The following ZMYND8 variants were observed in gnomAD, a reference collection of about 807,000 sequenced individuals.
The protein encoded by ZMYND8 is MYND-type zinc finger-containing chromatin reader ZMYND8.
A neutral mutation model predicts 140.8 loss-of-function variants in ZMYND8; 37 were observed. The observed-to-expected ratio is 0.26, with a 90% CI of 0.20 to 0.35. The LOEUF is 0.35. Ranked by LOEUF, ZMYND8 falls within the 10% of genes least tolerant of loss-of-function variation. The pLI, the probability that ZMYND8 is intolerant of heterozygous loss-of-function variation, is 1.00. For missense variants in ZMYND8, 1,068 were observed against 1,570.0 expected, an observed-to-expected ratio of 0.68 and a Z score of 5.40; for synonymous variants, 592 against 597.1, an observed-to-expected ratio of 0.99 and a Z score of 0.12.
intron 18 of ZMYND8, among the ~76,000 whole-genome samples, chr20:47,226,975 T>A (rs1457797771): frequency 6.6e-6 from 1 of 152,120 alleles, no homozygotes; most frequent in African/African-American, 2.4e-5. Context: ...CCTCATTATT[T>A]TATTGTTGAG....
chr20:47,290,815 T>C (rs1440351598), intron 6 of ZMYND8, among the ~76,000 whole-genome samples: 3 of 152,148 alleles, frequency 2.0e-5, no homozygotes, highest in African/African-American at 4.8e-5. Context: ...GGTCTCGAAC[T>C]CCTGACCTCA....
intron 2 of ZMYND8, 116 bp from the exon 3 acceptor site, chr20:47,310,320 C>T (rs57424343): frequency 0.017 from 21,143 of 1,256,178 alleles, 829 homozygotes; most frequent in South Asian, 0.1. Flanking sequence ...CCCCAACTCC[C>T]GAAGCCACTT....
Position 47,246,437 on chromosome 20 carries a change from C to T in ZMYND8, c.1855G>A (p.Asp619Asn), listed in dbSNP as rs140871345. 27 of 1,614,012 alleles carry T rather than the reference C, an allele frequency of 1.7e-5. No individual in the cohort carries two copies. The East Asian group carries it at 4.7e-4, about 28-fold the overall frequency. Residue 619 changes from aspartate (D) to asparagine (N), a missense_variant, in exon 14 of 23, where the codon GAT (aspartate) becomes AAT (asparagine). Coordinates refer to ENST00000471951, the MANE Select transcript of ZMYND8 (RefSeq NM_001281775.3). Reference protein sequence around the residue: ...SEDSEKSDSSDSEYISDDEQK... With the variant: ...SEDSEKSDSSNSEYISDDEQK... ...TCATCATCACTGATATACTCACTAT[C>T]GCTACTATCTGACTTCTCAGAATCC...
intron 21 of ZMYND8, among the ~76,000 whole-genome samples, chr20:47,217,361 ATTGGTTGCATATGGTTGCAAAGCTCAG>A (rs2036280316): frequency 6.6e-6 from 1 of 152,258 alleles, no homozygotes; most frequent in South Asian, 2.1e-4. Flanking sequence ...GCAAAGCTCA[ATTGGTTGCATATGGTTGCAAAGCTCAG>A]TCCTTGTTAA....
At chr20:47,345,217 CTT>C (rs988875333) in intron 2 of ZMYND8, among the ~76,000 whole-genome samples, 48 of 152,116 alleles carry the variant, frequency 3.2e-4, no homozygotes, top group Admixed American at 2.0e-4. Flanking sequence ...CCAAAAGCCT[CTT>C]TGAGGAGCCA....
intron 18 of ZMYND8, among the ~76,000 whole-genome samples, chr20:47,225,180 T>TA (rs1375253492): frequency 4.6e-5 from 7 of 152,282 alleles, no homozygotes; most frequent in African/African-American, 1.4e-4. Flanking sequence ...ACTATGAACC[T>TA]ACTCAGTCTA....
At chr20:47,255,687 GTGTA>G (rs1426191834) in intron 12 of ZMYND8, among the ~76,000 whole-genome samples, 5 of 113,602 alleles carry the variant, frequency 4.4e-5, no homozygotes, top group Non-Finnish European at 8.5e-5. Flanking sequence ...ATGTGTGTGT[GTGTA>G]TATATATATA....
intron 3 of ZMYND8, among the ~76,000 whole-genome samples, chr20:47,301,648 A>C (rs1463494482): frequency 6.6e-6 from 1 of 152,098 alleles, no homozygotes; most frequent in Non-Finnish European, 1.5e-5. Flanking sequence ...CTAATGAGAA[A>C]ATCAGAAATC....
intron 2 of ZMYND8, among the ~76,000 whole-genome samples, chr20:47,333,711 C>A (rs1473510596): frequency 9.8e-6 from 1 of 102,260 alleles, no homozygotes; most frequent in African/African-American, 3.9e-5. Flanking sequence ...GGTGACAGAG[C>A]GAGACTCCGT....
chr20:47,331,399 T>A (rs1402641114), intron 2 of ZMYND8, among the ~76,000 whole-genome samples: 1 of 151,902 alleles, frequency 6.6e-6, no homozygotes, highest in East Asian at 1.9e-4. Context: ...GGGGAATGAG[T>A]CCATATCTCT....
chr20:47,313,214 A>G (rs1247830502), intron 2 of ZMYND8, among the ~76,000 whole-genome samples: 1 of 140,890 alleles, frequency 7.1e-6, no homozygotes, highest in African/African-American at 3.0e-5. Context: ...AAGGAGAGAC[A>G]CTGTCTCTGA....
At chr20:47,349,787 C>T (rs2082621126) in intron 1 of ZMYND8, 20 of 1,524,652 alleles carry the variant, frequency 1.3e-5, no homozygotes, top group Non-Finnish European at 1.8e-5. Context: ...AGAGAAAACG[C>T]TAATCTGTGA....
intron 4 of ZMYND8, among the ~76,000 whole-genome samples, chr20:47,297,568 C>T (rs1345256183): frequency 6.6e-6 from 1 of 152,044 alleles, no homozygotes; most frequent in East Asian, 1.9e-4. Context: ...ACTACAGGCA[C>T]ATACCACCAT....
At chr20:47,288,823 C>T (rs1470660974) in intron 7 of ZMYND8, among the ~76,000 whole-genome samples, 1 of 152,200 alleles carries the variant, frequency 6.6e-6, no homozygotes, top group African/African-American at 2.4e-5. Context: ...AGCAAACAGG[C>T]TGGCGTGGTC....
chr20:47,333,728 A>C (rs1368438180), intron 2 of ZMYND8, among the ~76,000 whole-genome samples: 1 of 97,398 alleles, frequency 1.0e-5, no homozygotes, highest in Admixed American at 1.0e-4. Context: ...CCGTCTCAAA[A>C]AAAAAAAAAA....
In ZMYND8 at chr20:47,318,809, G is replaced by T. The variant is rs913207424; in HGVS notation, c.86-8605C>A. 7.1e-6 allele frequency: 4 copies of T among 566,558 alleles called. No homozygotes were observed. The East Asian group carries it at 2.0e-4, about 29-fold the overall frequency. The allele number at this position is 566,558 out of a possible 1,614,324, so 35.1% of individuals were successfully genotyped here. A position where few individuals can be genotyped will look rare whatever the true frequency, so the allele number is the denominator to read the frequency against. Reference sequence around the variant, plus strand: ...ACAGGAACTTCTCATCCAGAGCCGGGATAGGGAGGGCTGGAATGGAAATGA... The same window carrying T: ...ACAGGAACTTCTCATCCAGAGCCGGTATAGGGAGGGCTGGAATGGAAATGA... On this transcript the variant is annotated intron_variant, in intron 2 of 22. Coordinates refer to ENST00000471951, the MANE Select transcript of ZMYND8 (RefSeq NM_001281775.3).
chr20:47,314,929 C>G (rs192709376), intron 2 of ZMYND8, among the ~76,000 whole-genome samples: 1 of 152,296 alleles, frequency 6.6e-6, no homozygotes, highest in Non-Finnish European at 1.5e-5. Context: ...AAAGACCAGA[C>G]AGTGCTCCAG....
At chr20:47,300,280 T>G (rs975352041) in intron 3 of ZMYND8, among the ~76,000 whole-genome samples, 1 of 152,236 alleles carries the variant, frequency 6.6e-6, no homozygotes, top group Non-Finnish European at 1.5e-5. Context: ...TCAACCCACT[T>G]TGAGCCTCAA....
intron 3 of ZMYND8, among the ~76,000 whole-genome samples, chr20:47,301,627 AAG>A (rs1002569120): frequency 4.6e-5 from 7 of 152,134 alleles, no homozygotes; most frequent in Non-Finnish European, 1.0e-4. Context: ...GAAAGGTACT[AAG>A]AGCACTCCCT....
Sources: gnomAD v4.1 joint callset for allele counts (sites outside exome capture counted in the v4.1 genomes callset) on GRCh38, gnomAD v4.1.1 for gene constraint, MANE v1.5 for transcripts, NCBI Gene and HGNC (gene_info 2026-07-23, HGNC 2026-07-21) for gene names.